Variants in TMEM87B observed in about 807,000 individuals in gnomAD.
The protein encoded by TMEM87B is transmembrane protein 87B.
TMEM87B carries 83 observed loss-of-function variants against 80.3 expected under a neutral mutation model. That is an observed-to-expected ratio of 1.03 (90% CI 0.87 to 1.24). The LOEUF is 1.24. Ranked by LOEUF, TMEM87B falls within the 50% of genes most tolerant of loss-of-function variation. The pLI is 0.00. For synonymous variants in TMEM87B, 219 were observed against 230.5 expected (o/e 0.95, Z 0.45); for missense variants, 625 against 674.4 (o/e 0.93, Z 0.81).
chr2:112,056,226 T>TAAA (rs112979922), intron 1 of TMEM87B, among the ~76,000 whole-genome samples: 1 of 143,904 alleles, frequency 6.9e-6, no homozygotes, highest in Non-Finnish European at 1.5e-5. Context: ...GCCGCTTCCT[T>TAAA]AAAAAAAAAA....
In TMEM87B at chr2:112,091,784, A is replaced by T. The variant is rs202035341; in HGVS notation, c.1104+1A>T. The T allele has an allele frequency of 1.2e-6, 2 of 1,605,196 alleles. No homozygotes were observed. Among genetic ancestry groups the T allele is most frequent in the East Asian group, 2.2e-5 (1 of 44,768 alleles). ...TATTGACTCCATTTTTGTGTGGTTC[A>T]TATCCTTTACTGTGTCCTTCAAAAT... On this transcript the variant is annotated splice_donor_variant, in intron 11 of 18. Coordinates refer to ENST00000283206, the MANE Select transcript of TMEM87B (RefSeq NM_032824.3). LOFTEE classifies it high-confidence loss of function.
rs1426531731 is a variant in TMEM87B, at chr2:112,096,983, TC to T, written c.1105-60del. On this transcript the variant is annotated intron_variant, in intron 11 of 18. Coordinates refer to ENST00000283206, the MANE Select transcript of TMEM87B (RefSeq NM_032824.3). Reference sequence around the variant, plus strand: ...TGACTTTGGGAACATAGTAGAAGATTCTGTTTTTTTTTTTTAACCTCTTATT... The same window carrying T: ...TGACTTTGGGAACATAGTAGAAGATTTGTTTTTTTTTTTTAACCTCTTATT... 13 of 1,164,274 alleles carry T rather than the reference TC, an allele frequency of 1.1e-5. No individual in the cohort carries two copies. In the African/African-American group the frequency reaches 1.7e-4, roughly 15 times the overall value. The allele number at this position is 1,164,274 out of a possible 1,614,324, so 72.1% of individuals were successfully genotyped here. A position where few individuals can be genotyped will look rare whatever the true frequency, so the allele number is the denominator to read the frequency against.
chr2:112,107,757 A>T, intron 16 of TMEM87B, 31 bp from the exon 17 acceptor site: 1 of 1,415,460 alleles, frequency 7.1e-7, no homozygotes, highest in Non-Finnish European at 9.8e-7. Context: ...AGGTGATATT[A>T]AGCAAATGCT....
intron 4 of TMEM87B, among the ~76,000 whole-genome samples, chr2:112,070,545 TGTACCA>T (rs1297933682): frequency 6.6e-6 from 1 of 152,206 alleles, no homozygotes; most frequent in Non-Finnish European, 1.5e-5. Context: ...TGTCTGTTTT[TGTACCA>T]GTACCATGCT....
intron 11 of TMEM87B, among the ~76,000 whole-genome samples, chr2:112,095,792 G>GC (rs1679450888): frequency 6.6e-6 from 1 of 152,102 alleles, no homozygotes; most frequent in African/African-American, 2.4e-5. Flanking sequence ...CCATTCTGTT[G>GC]CTCAGCTCTG....
At chr2:112,068,903 C>T (rs1192152177) in intron 4 of TMEM87B, among the ~76,000 whole-genome samples, 4 of 151,854 alleles carry the variant, frequency 2.6e-5, no homozygotes, top group African/African-American at 9.7e-5. Flanking sequence ...ATATCGTAAA[C>T]TCATGTAGGC....
chr2:112,097,424 TAC>T, intron 13 of TMEM87B, 133 bp downstream of exon 13: 1 of 890,282 alleles, frequency 1.1e-6, no homozygotes, highest in Non-Finnish European at 1.6e-6. Flanking sequence ...AACTATTTTT[TAC>T]AGAGTTATAA....
chr2:112,081,135 A>T lies in TMEM87B; in HGVS notation c.654+17A>T, dbSNP rs1363732897. 6.2e-7 allele frequency: 1 copy of T among 1,610,504 alleles called. No individual in the cohort carries two copies. Among genetic ancestry groups the T allele is most frequent in the Non-Finnish European group, 8.5e-7 (1 of 1,178,796 alleles). On this transcript the variant is annotated intron_variant, in intron 7 of 18. Transcript: ENST00000283206. ...CTAATGATTGTGAGTATTTCTCATCATTTTTTCCTTTTTAAAAAATGAATT... is the reference window on the plus strand; with the variant it reads ...CTAATGATTGTGAGTATTTCTCATCTTTTTTTCCTTTTTAAAAAATGAATT...
intron 9 of TMEM87B, among the ~76,000 whole-genome samples, chr2:112,089,154 G>A (rs1679231594): frequency 3.3e-5 from 5 of 152,206 alleles, no homozygotes; most frequent in Admixed American, 3.3e-4. Flanking sequence ...TCAGAAAGGA[G>A]GTCATGGACT....
chr2:112,092,673 G>C (rs1317740458), intron 11 of TMEM87B, among the ~76,000 whole-genome samples: 3 of 152,184 alleles, frequency 2.0e-5, no homozygotes, highest in South Asian at 2.1e-4. Context: ...GGGTGGAAGA[G>C]AGCAGGTTCA....
chr2:112,080,849 GT>G (rs1223956633), intron 6 of TMEM87B, among the ~76,000 whole-genome samples: 1 of 152,140 alleles, frequency 6.6e-6, no homozygotes, highest in Non-Finnish European at 1.5e-5. Flanking sequence ...TCTTCTAGCA[GT>G]TTTACAGTTT....
At chr2:112,067,127 C>T in intron 4 of TMEM87B, 60 bp downstream of exon 4, 1 of 1,568,082 alleles carries the variant, frequency 6.4e-7, no homozygotes. Flanking sequence ...CAAGTATCAA[C>T]TGAAGTAATG....
chr2:112,099,263 C>T (rs1371591287), intron 14 of TMEM87B, among the ~76,000 whole-genome samples: 2 of 152,092 alleles, frequency 1.3e-5, no homozygotes, highest in African/African-American at 4.8e-5. Context: ...ACAGATTCAA[C>T]ATCCCAAATC....
chr2:112,058,144 A>T (rs555517024), intron 1 of TMEM87B, among the ~76,000 whole-genome samples: 55 of 152,304 alleles, frequency 3.6e-4, no homozygotes, highest in South Asian at 2.5e-3. Flanking sequence ...TAAAAGATGG[A>T]TAAGTACTAC....
chr2:112,060,020 C>T lies in TMEM87B; in HGVS notation c.209C>T (p.Thr70Ile), dbSNP rs764971826. 3.8e-6 allele frequency: 6 copies of T among 1,590,266 alleles called. No homozygotes were observed. Among genetic ancestry groups the T allele is most frequent in the South Asian group, 1.1e-5 (1 of 89,884 alleles). ...TTTAGGAAAACTATGTTTAACTCTACAGATATCAAGTTATCTGGTAAGTAT... is the reference window on the plus strand; with the variant it reads ...TTTAGGAAAACTATGTTTAACTCTATAGATATCAAGTTATCTGGTAAGTAT... ...LIFRKTMFNS[T>I]DIKLSVKSFH... Residue 70 changes from threonine (T) to isoleucine (I), a missense_variant, in exon 2 of 19, where the codon ACA becomes ATA. Thr to Ile is a moderately conservative substitution (Grantham distance 89). Transcript: ENST00000283206.
At chr2:112,095,581 A>G (rs1293184141) in intron 11 of TMEM87B, 1 of 637,768 alleles carries the variant, frequency 1.6e-6, no homozygotes, top group Non-Finnish European at 2.0e-6. Flanking sequence ...TATTTAAGGA[A>G]TAAAGTATAT....
Position 112,090,661 on chromosome 2 carries a change from C to G in TMEM87B, c.1032+943C>G, listed in dbSNP as rs1017201448. On this transcript the variant is annotated intron_variant, in intron 10 of 18. Transcript: ENST00000283206. ...AAGCTGGTCTTGAGTTCCTGGCTGG[C>G]CTCAAGTGATCCTCTTACCTCAGCC... 1.0e-3 allele frequency among the ~76,000 whole-genome samples: 152 copies of G among 152,108 alleles called. 1 individual carries two copies. The highest frequency in any genetic ancestry group is 3.4e-3 in the African/African-American group (140 of 41,490).
intron 4 of TMEM87B, among the ~76,000 whole-genome samples, chr2:112,067,301 G>A (rs1462794461): frequency 6.6e-6 from 1 of 152,172 alleles, no homozygotes; most frequent in Admixed American, 6.5e-5. Flanking sequence ...TGTGTGTATA[G>A]TAGTACATAA....
chr2:112,096,692 G>A (rs1679477731), intron 11 of TMEM87B, among the ~76,000 whole-genome samples: 1 of 152,246 alleles, frequency 6.6e-6, no homozygotes, highest in Admixed American at 6.5e-5. Flanking sequence ...CAAATGGCAT[G>A]TCACAATGTG....
Sources: allele counts gnomAD v4.1 joint callset (sites outside exome capture counted in the v4.1 genomes callset), GRCh38; gene constraint gnomAD v4.1.1; transcripts MANE v1.5; gene names NCBI Gene and HGNC (gene_info 2026-07-23, HGNC 2026-07-21).